Variants in C17orf107 observed in about 807,000 individuals in gnomAD.
C17orf107 encodes the protein chromosome 17 open reading frame 107.
Under a neutral mutation model 8.9 loss-of-function variants are expected in C17orf107, and 9 were observed. That is an observed-to-expected ratio of 1.02 (90% CI 0.61 to 1.77). The LOEUF (loss-of-function observed/expected upper bound fraction) is 1.77. Ranked by LOEUF, C17orf107 falls within the 40% of genes most tolerant of loss-of-function variation. The pLI, the probability that C17orf107 is intolerant of heterozygous loss-of-function variation, is 0.00. For missense variants in C17orf107, 281 were observed against 249.0 expected (o/e 1.13, Z -0.86); for synonymous variants, 139 against 120.3 (o/e 1.16, Z -1.02).
rs1049141147 is a variant in C17orf107, at chr17:4,901,072, C to A, written c.*539C>A. On this transcript the variant is annotated 3_prime_UTR_variant, in exon 3 of 3. Coordinates refer to ENST00000381365, the MANE Select transcript of C17orf107 (RefSeq NM_001145536.2). Reference sequence around the variant, plus strand: ...CGATGATGTTAATGACGTAGAAGAGCGGCTTCCGGCGGATGATGAGCGAGT... The same window carrying A: ...CGATGATGTTAATGACGTAGAAGAGAGGCTTCCGGCGGATGATGAGCGAGT... The A allele has an allele frequency of 2.5e-6, 4 of 1,613,752 alleles. No homozygotes were observed. The Admixed American group carries it at 6.7e-5, about 27-fold the overall frequency.
rs1041242134 is a variant in C17orf107 at position 4,899,966 on chromosome 17, C to T, written c.97C>T (p.Leu33=). Residue 33 remains leucine, a synonymous_variant, in exon 2 of 3, where the codon CTG becomes TTG. Transcript: ENST00000381365. The part of the protein sequence containing the change: ...VALQPPLLSS[L]ELSVAAAHEY... ...CCTCCAGCCCCCGCTTCTGTCTTCC[C>T]TGGAACTCTCCGTGGCCGCAGCCCA... is the stretch of plus-strand genomic sequence containing the variant. 1.3e-6 allele frequency: 2 copies of T among 1,551,472 alleles called. No homozygotes were observed.
downstream of C17orf107, among the ~76,000 whole-genome samples, chr17:4,906,219 G>A (rs931989835): frequency 6.6e-6 from 1 of 152,124 alleles, no homozygotes; most frequent in Admixed American, 6.6e-5. Flanking sequence ...GGATCATGGG[G>A]TTGGCCTAAG....
rs1970021482 is a variant in C17orf107 at position 4,902,390 on chromosome 17, G to T, written c.*1857G>T. ...TCCCACCTGGCGCTGCCTGGGAGGG[G>T]TTTGGGGGAAAAGGGGTGCCCTGGA... is the stretch of plus-strand genomic sequence containing the variant. On this transcript the variant is annotated 3_prime_UTR_variant, in exon 3 of 3. Transcript: ENST00000381365. This position sits in a 1 kb window ranked among gnomAD's most constrained non-coding sequence, Gnocchi z 4.0. 6.2e-7 allele frequency: 1 copy of T among 1,613,694 alleles called. No homozygotes were observed. Among genetic ancestry groups the T allele is most frequent in the Non-Finnish European group, 8.5e-7 (1 of 1,179,678 alleles).
Position 4,899,834 on chromosome 17 carries a change from G to A in C17orf107, c.66+6G>A, listed in dbSNP as rs369152087. The A allele has an allele frequency of 6.4e-7, 1 of 1,551,082 alleles. No individual in the cohort carries two copies. Among genetic ancestry groups the A allele is most frequent in the Non-Finnish European group, 8.7e-7 (1 of 1,146,968 alleles). ...ACTTCCACAGCTCCACCGAGGTGAG[G>A]CTACGCCCGCCAAGGGCTGCACCTC... On this transcript the variant is annotated splice_donor_region_variant and intron_variant, in intron 1 of 2. Transcript: ENST00000381365.
In C17orf107 at chr17:4,902,499, A is replaced by C. The variant is rs1351926586; in HGVS notation, c.*1966A>C. ...GAGAGTCTCCTCTTTTTCATTCTGCAGATGGGAGATGGGGATGATTGAAGT... is the reference window on the plus strand; with the variant it reads ...GAGAGTCTCCTCTTTTTCATTCTGCCGATGGGAGATGGGGATGATTGAAGT... On this transcript the variant is annotated 3_prime_UTR_variant, in exon 3 of 3. Coordinates refer to ENST00000381365, the MANE Select transcript of C17orf107 (RefSeq NM_001145536.2). The surrounding 1 kb of genome is among the most constrained non-coding windows in gnomAD (Gnocchi z 4.0). The C allele has an allele frequency of 6.2e-7, 1 of 1,614,064 alleles. No individual in the cohort carries two copies. Among genetic ancestry groups the C allele is most frequent in the Non-Finnish European group, 8.5e-7 (1 of 1,180,038 alleles).
rs752528236 is a variant in C17orf107, at chr17:4,899,759, G to A, written c.-4G>A. ...CTTCTCCTGTCCTACCACTTGTGGCGGCCATGAAGGGGACCCCCAGCTCCC... is the reference window on the plus strand; with the variant it reads ...CTTCTCCTGTCCTACCACTTGTGGCAGCCATGAAGGGGACCCCCAGCTCCC... On this transcript the variant is annotated 5_prime_UTR_variant, in exon 1 of 3. Coordinates refer to ENST00000381365, the MANE Select transcript of C17orf107 (RefSeq NM_001145536.2). The A allele has an allele frequency of 1.2e-5, 19 of 1,550,974 alleles. No homozygotes were observed. Among genetic ancestry groups the A allele is most frequent in the Admixed American group, 2.0e-5 (1 of 50,978 alleles).
At chr17:4,903,449 A>T (rs1174649676), downstream of C17orf107, among the ~76,000 whole-genome samples, 1 of 152,082 alleles carries the variant, frequency 6.6e-6, no homozygotes, top group Non-Finnish European at 1.5e-5. Flanking sequence ...ACTGATGAAC[A>T]CATCTGGGGA....
downstream of C17orf107, among the ~76,000 whole-genome samples, chr17:4,906,281 T>A (rs1451808034): frequency 6.6e-6 from 1 of 152,130 alleles, no homozygotes. Flanking sequence ...ACACCACATG[T>A]CTGGTAATTC....
Position 4,900,866 on chromosome 17 carries a change from C to G in C17orf107, c.*333C>G. 2 of 1,614,166 alleles carry G rather than the reference C, an allele frequency of 1.2e-6. No individual in the cohort carries two copies. Among genetic ancestry groups the G allele is most frequent in the Non-Finnish European group, 1.7e-6 (2 of 1,180,006 alleles). On this transcript the variant is annotated 3_prime_UTR_variant, in exon 3 of 3. Transcript: ENST00000381365. The stretch of plus-strand genomic sequence containing the variant: ...ATGAGGAACAAGAAGACGGTCTGGG[C>G]GAGCAGGACGTTGATGGAGACCGTG...
At chr17:4,903,027 C>T (rs372635387), downstream of C17orf107, 49 of 1,613,904 alleles carry the variant, frequency 3.0e-5, no homozygotes, top group Middle Eastern at 1.6e-4. Flanking sequence ...CCGAGAAGCC[C>T]CAAGAGGAGC....
In C17orf107 at chr17:4,901,612, T is replaced by G. The variant is rs1449552565; in HGVS notation, c.*1079T>G. ...AAAGTGAACTCCACCTCTTCGGCATTGTACGTCTGAGAGCTGCGGAGCCAG... is the reference window on the plus strand; with the variant it reads ...AAAGTGAACTCCACCTCTTCGGCATGGTACGTCTGAGAGCTGCGGAGCCAG... On this transcript the variant is annotated 3_prime_UTR_variant, in exon 3 of 3. Transcript: ENST00000381365. The G allele has an allele frequency of 6.2e-7, 1 of 1,613,994 alleles. No individual in the cohort carries two copies. The highest frequency in any genetic ancestry group is 8.5e-7 in the Non-Finnish European group (1 of 1,180,020).
chr17:4,903,166 T>G, downstream of C17orf107: 1 of 1,175,158 alleles, frequency 8.5e-7, no homozygotes, highest in East Asian at 2.5e-5. Context: ...TCCGGGCTGT[T>G]AGGGGACTGT....
Position 4,900,389 on chromosome 17 carries a change from C to A in C17orf107, c.429C>A (p.Ser143Arg). The change falls in exon 3 of 3, where the codon AGC (serine) becomes AGA (arginine). Residue 143 changes from serine to arginine, a missense_variant. By Grantham distance (110) the Ser-to-Arg change is moderately radical. Transcript: ENST00000381365. ...AAGCTGGGGCTGCGGTGGGCGCCAG[C>A]GCCCGGCTCCTAGTCCAGGGAGCAT... Reference protein sequence around the residue: ...VRQAGAAVGASARLLVQGAWL... With the variant: ...VRQAGAAVGARARLLVQGAWL... The A allele has an allele frequency of 6.5e-7, 1 of 1,550,052 alleles. No individual in the cohort carries two copies. Among genetic ancestry groups the A allele is most frequent in the Non-Finnish European group, 8.7e-7 (1 of 1,146,716 alleles).
rs1555546937 is a variant in C17orf107, at chr17:4,901,891, C to CCG, written c.*1359_*1360insGC. On this transcript the variant is annotated 3_prime_UTR_variant, in exon 3 of 3. Coordinates refer to ENST00000381365, the MANE Select transcript of C17orf107 (RefSeq NM_001145536.2). The stretch of plus-strand genomic sequence containing the variant: ...TTGGCCCCGCCCCATAAGGCCCCCC[C>CCG]CCAACAATAATCGTCCGGGCCTCGG... The CCG allele has an allele frequency of 8.7e-5, 139 of 1,606,204 alleles. 1 individual carries two copies. The highest frequency in any genetic ancestry group is 2.0e-4 in the Middle Eastern group (1 of 5,030).
downstream of C17orf107, among the ~76,000 whole-genome samples, chr17:4,905,468 G>A (rs1398628201): frequency 6.6e-6 from 1 of 152,192 alleles, no homozygotes; most frequent in Non-Finnish European, 1.5e-5. Flanking sequence ...AGGAGGCTGA[G>A]GCGGGAGGAT....
chr17:4,903,138 G>A, downstream of C17orf107: 3 of 1,468,704 alleles, frequency 2.0e-6, no homozygotes, highest in Non-Finnish European at 2.8e-6. Context: ...CCTGTGTGAG[G>A]GGGAGGAGGG....
chr17:4,901,965 G>A lies in C17orf107; in HGVS notation c.*1432G>A. 1 of 1,613,958 alleles carries A rather than the reference G, an allele frequency of 6.2e-7. No homozygotes were observed. Among genetic ancestry groups the A allele is most frequent in the Non-Finnish European group, 8.5e-7 (1 of 1,179,998 alleles). ...AAGCGAACAGTTCTGCCAATCGAAG[G>A]GGAAGTAGGTGACCTCCACTGCGCA... On this transcript the variant is annotated 3_prime_UTR_variant, in exon 3 of 3. Coordinates refer to ENST00000381365, the MANE Select transcript of C17orf107 (RefSeq NM_001145536.2).
intron 2 of C17orf107, 37 bp from the exon 3 acceptor site, chr17:4,900,200 C>T: frequency 6.5e-7 from 1 of 1,543,476 alleles, no homozygotes; most frequent in African/African-American, 1.4e-5. Flanking sequence ...GAACAAGGAC[C>T]TCTGCCTCCC....
At position 4,902,629 on chromosome 17, in the gene C17orf107, T is replaced by A. The variant is rs765180335; in HGVS notation, c.*2096T>A. On this transcript the variant is annotated 3_prime_UTR_variant, in exon 3 of 3. Coordinates refer to ENST00000381365, the MANE Select transcript of C17orf107 (RefSeq NM_001145536.2). This position sits in a 1 kb window ranked among gnomAD's most constrained non-coding sequence, Gnocchi z 4.0. ...GGGTGGGGGTAGCTTACCAGTGAGA[T>A]GAGATTCGTCAGGGTGACCTTGAGG... The A allele has an allele frequency of 1.6e-5, 26 of 1,610,126 alleles. No individual in the cohort carries two copies. Among genetic ancestry groups the A allele is most frequent in the Admixed American group, 1.7e-5 (1 of 59,946 alleles).
Sources: gnomAD v4.1 joint callset for allele counts (sites outside exome capture counted in the v4.1 genomes callset) on GRCh38, gnomAD v4.1.1 for gene constraint, Gnocchi (gnomAD v3.1) non-coding constraint, MANE v1.5 for transcripts, NCBI Gene and HGNC (gene_info 2026-07-23, HGNC 2026-07-21) for gene names.